FGF14: variants seen among roughly 807,000 people sequenced by gnomAD.
FGF14 encodes fibroblast growth factor homologous factor 4.
Under a neutral mutation model 25.5 loss-of-function variants are expected in FGF14, and 5 were observed. The observed-to-expected ratio is 0.20, with a 90% confidence interval of 0.10 to 0.41. The LOEUF (loss-of-function observed/expected upper bound fraction) is 0.41, where lower values mean the gene tolerates loss of function less well. Ranked by LOEUF, FGF14 falls within the 10% of genes least tolerant of loss-of-function variation. FGF14 has a pLI of 1.00. For synonymous variants in FGF14, 138 were observed against 118.3 expected, an observed-to-expected ratio of 1.17 and a Z score of -1.08; for missense variants, 222 against 320.1, an observed-to-expected ratio of 0.69 and a Z score of 2.34.
rs1366017466 is a variant in FGF14, at chr13:102,210,448, ACTAC to A, written c.208+191019_208+191022del. Among the ~76,000 whole-genome samples the A allele has an allele frequency of 2.0e-5, 3 of 152,310 alleles. 1 individual carries two copies. ...TAAAATGGAAACATTTACATTAAAA[ACTAC>A]ATAATTTGGGACTGTAGTATTTAAA... On this transcript the variant is annotated intron_variant, in intron 1 of 4. Transcript: ENST00000376131.
In FGF14 at chr13:102,201,228, G is replaced by T. The variant is rs75250389; in HGVS notation, c.208+200243C>A. ...TCTAGTGGGCGATCTCCTCAAGCTA[G>T]TTCATATTACTTAGTTTCCTTTGAA... is the stretch of plus-strand genomic sequence containing the variant. On this transcript the variant is annotated intron_variant, in intron 1 of 4. Coordinates refer to the FGF14 transcript ENST00000376131. Among the ~76,000 whole-genome samples, 342 of 150,316 alleles carry T rather than the reference G, an allele frequency of 2.3e-3. 1 individual carries two copies. Among genetic ancestry groups the T allele is most frequent in the Non-Finnish European group, 3.9e-3 (267 of 67,666 alleles).
At chr13:102,278,158 T>G (rs929947841) in intron 1 of FGF14, among the ~76,000 whole-genome samples, 3 of 152,210 alleles carry the variant, frequency 2.0e-5, no homozygotes, top group African/African-American at 7.2e-5. Context: ...ATCCTTTAGA[T>G]GATCCCACTC....
intron 1 of FGF14, among the ~76,000 whole-genome samples, chr13:102,326,644 G>C (rs2056434933): frequency 7.9e-6 from 1 of 125,886 alleles, no homozygotes; most frequent in African/African-American, 3.2e-5. Context: ...GGAGGGAAAG[G>C]GAGGAGAAGG....
chr13:101,742,040 G>A (rs1434224457), intron 3 of FGF14, among the ~76,000 whole-genome samples: 1 of 152,114 alleles, frequency 6.6e-6, no homozygotes, highest in Admixed American at 6.6e-5. Flanking sequence ...GAATGTAGTT[G>A]TCCCCTAACC....
intron 1 of FGF14, among the ~76,000 whole-genome samples, chr13:102,063,910 T>C (rs1183667475): frequency 6.6e-6 from 1 of 152,182 alleles, no homozygotes; most frequent in East Asian, 1.9e-4. Flanking sequence ...ATTATGCAGC[T>C]TACTGGCAAT....
At chr13:102,346,724 T>C (rs1409286802) in intron 1 of FGF14, among the ~76,000 whole-genome samples, 1 of 152,324 alleles carries the variant, frequency 6.6e-6, no homozygotes, top group East Asian at 1.9e-4. Context: ...TTCTCGGTAG[T>C]GGCATTAATT....
chr13:102,169,451 T>A (rs1217777192), intron 1 of FGF14, among the ~76,000 whole-genome samples: 1 of 151,936 alleles, frequency 6.6e-6, no homozygotes, highest in Admixed American at 6.6e-5. Flanking sequence ...CTGAACCATG[T>A]GTAAAAGAAA....
At chr13:101,968,432 G>A in intron 1 of FGF14, among the ~76,000 whole-genome samples, 1 of 151,992 alleles carries the variant, frequency 6.6e-6, no homozygotes, top group Non-Finnish European at 1.5e-5. Flanking sequence ...CCAGCACTTT[G>A]GGAGACCGAG....
At chr13:102,036,989 A>T (rs1376067117) in intron 1 of FGF14, among the ~76,000 whole-genome samples, 2 of 152,140 alleles carry the variant, frequency 1.3e-5, no homozygotes, top group African/African-American at 4.8e-5. Context: ...ATATTTTCAG[A>T]GTGGCATCCT....
chr13:102,326,736 A>G (rs1435901480), intron 1 of FGF14, among the ~76,000 whole-genome samples: 25 of 102,048 alleles, frequency 2.4e-4, no homozygotes, highest in Non-Finnish European at 3.7e-4. Flanking sequence ...GGAAGGAAGG[A>G]AGGAAGGAAG....
chr13:101,894,381 CA>C (rs762263881), intron 1 of FGF14, among the ~76,000 whole-genome samples: 1 of 152,066 alleles, frequency 6.6e-6, no homozygotes, highest in Non-Finnish European at 1.5e-5. Flanking sequence ...AGGCCATAGA[CA>C]TAAAATATTA....
intron 1 of FGF14, among the ~76,000 whole-genome samples, chr13:102,332,948 C>T (rs2056678282): frequency 1.3e-5 from 2 of 152,098 alleles, no homozygotes; most frequent in South Asian, 4.1e-4. Flanking sequence ...ATGTGACTGT[C>T]CCATAATTCT....
At chr13:101,981,089 A>ACACACT in intron 1 of FGF14, among the ~76,000 whole-genome samples, 2 of 122,034 alleles carry the variant, frequency 1.6e-5, no homozygotes, top group Admixed American at 7.7e-5. Flanking sequence ...TAAAACACAC[A>ACACACT]CACACACACA....
rs1264340630 is a variant in FGF14, at chr13:101,788,901, TATATATATAGAGAG to T, written c.409-62105_409-62092del. On this transcript the variant is annotated intron_variant, in intron 3 of 4. Transcript: ENST00000376143. The stretch of plus-strand genomic sequence containing the variant: ...ATATATATATATATATATATATATA[TATATATATAGAGAG>T]AGAGAGAGAGAGAGAGAGAGAGAGA... Among the ~76,000 whole-genome samples the T allele has an allele frequency of 6.9e-3, 284 of 41,314 alleles. 1 individual carries two copies. The highest frequency in any genetic ancestry group is 0.015 in the South Asian group (13 of 866). 27.1% of individuals were successfully genotyped at this position (41,314 alleles called of 152,430 possible).
intron 1 of FGF14, among the ~76,000 whole-genome samples, chr13:102,333,087 T>C (rs532522362): frequency 9.8e-5 from 15 of 152,294 alleles, no homozygotes; most frequent in African/African-American, 3.4e-4. Flanking sequence ...ATTTGGGAAC[T>C]AGATTATCAT....
chr13:102,045,130 T>C (rs1247496259), intron 1 of FGF14, among the ~76,000 whole-genome samples: 1 of 152,310 alleles, frequency 6.6e-6, no homozygotes, highest in African/African-American at 2.4e-5. Context: ...AGTTAAAATA[T>C]ACATTATAGG....
intron 3 of FGF14, among the ~76,000 whole-genome samples, chr13:101,745,574 C>T (rs2036833099): frequency 6.6e-6 from 1 of 152,016 alleles, no homozygotes; most frequent in South Asian, 2.1e-4. Context: ...CATAATTTTG[C>T]CTTTTCCAGA....
At chr13:102,178,846 A>G (rs2048553212) in intron 1 of FGF14, among the ~76,000 whole-genome samples, 1 of 152,118 alleles carries the variant, frequency 6.6e-6, no homozygotes, top group African/African-American at 2.4e-5. Flanking sequence ...TTTAAATTTT[A>G]AATTGTACTT....
chr13:102,326,697 A>C, intron 1 of FGF14, among the ~76,000 whole-genome samples: 1 of 36,826 alleles, frequency 2.7e-5, no homozygotes, highest in East Asian at 6.7e-4. Flanking sequence ...AGGGAAGGGA[A>C]GGAAGGAAGG....
Sources: gnomAD v4.1 joint callset for allele counts (sites outside exome capture counted in the v4.1 genomes callset) on GRCh38, gnomAD v4.1.1 for gene constraint, MANE v1.5 for transcripts, NCBI Gene and HGNC (gene_info 2026-07-23, HGNC 2026-07-21) for gene names.